EOGT: variants seen among roughly 807,000 people sequenced by gnomAD.
The protein encoded by EOGT is EGF domain specific O-linked N-acetylglucosamine transferase.
A neutral mutation model predicts 70.5 loss-of-function variants in EOGT; 55 were observed. The observed-to-expected ratio is 0.78, with a 90% confidence interval of 0.63 to 0.98. The LOEUF is 0.98. Among genes scored for constraint, EOGT ranks in the 50% least tolerant of loss-of-function variants. The probability of loss-of-function intolerance (pLI) is 0.00; values close to 1 mark genes in which losing one functional copy is unlikely to be tolerated. For synonymous variants in EOGT, 246 were observed against 217.1 expected (o/e 1.13, Z -1.17); for missense variants, 703 against 641.9 (o/e 1.10, Z -1.03).
Position 68,987,119 on chromosome 3 carries a change from C to T in EOGT, c.1152+326G>A, listed in dbSNP as rs537608501. Reference sequence around the variant, plus strand: ...TAATGGCCTCAACCATCTGTTGCATCAACTATGCAAAAGAAAGTCTTACAT... The same window carrying T: ...TAATGGCCTCAACCATCTGTTGCATTAACTATGCAAAAGAAAGTCTTACAT... On this transcript the variant is annotated intron_variant, in intron 14 of 17. Coordinates refer to ENST00000383701, the MANE Select transcript of EOGT (RefSeq NM_001278689.2). 2.0e-5 allele frequency among the ~76,000 whole-genome samples: 3 copies of T among 152,338 alleles called. No individual in the cohort carries two copies. The South Asian group carries it at 6.2e-4, about 32-fold the overall frequency.
intron 15 of EOGT, among the ~76,000 whole-genome samples, chr3:68,982,151 C>T (rs548428756): frequency 1.3e-5 from 2 of 152,240 alleles, no homozygotes; most frequent in African/African-American, 4.8e-5. Context: ...CCAGGCAATC[C>T]ACCCATCTCA....
intron 10 of EOGT, among the ~76,000 whole-genome samples, chr3:68,992,317 T>C (rs2091015515): frequency 6.6e-6 from 1 of 152,174 alleles, no homozygotes; most frequent in South Asian, 2.1e-4. Context: ...ACGTATTGGG[T>C]AATTACAGCC....
intron 15 of EOGT, among the ~76,000 whole-genome samples, chr3:68,980,807 G>A (rs542602622): frequency 1.7e-3 from 257 of 152,334 alleles, no homozygotes; most frequent in African/African-American, 5.7e-3. Flanking sequence ...TGCCAGTTGT[G>A]GAAACGCCTG....
intron 7 of EOGT, 29 bp from the exon 8 acceptor site, chr3:69,004,511 T>C (rs752396663): frequency 6.5e-7 from 1 of 1,526,882 alleles, no homozygotes; most frequent in Non-Finnish European, 9.1e-7. Flanking sequence ...TTAAGTTAAG[T>C]TCAGAAAACG....
chr3:68,997,620 C>T (rs969598912), intron 10 of EOGT, among the ~76,000 whole-genome samples: 3 of 152,154 alleles, frequency 2.0e-5, no homozygotes, highest in African/African-American at 4.8e-5. Context: ...CCACCTGCCT[C>T]GGCCTCCCAA....
chr3:69,001,519 CA>C, intron 9 of EOGT, 88 bp downstream of exon 9: 1 of 862,488 alleles, frequency 1.2e-6, no homozygotes. Flanking sequence ...ATACTGCTTC[CA>C]AAAAATTCAG....
intron 14 of EOGT, among the ~76,000 whole-genome samples, chr3:68,986,393 A>G (rs2090808542): frequency 6.6e-6 from 1 of 152,006 alleles, no homozygotes; most frequent in Non-Finnish European, 1.5e-5. Context: ...AAACTTCACA[A>G]TGGCTTTCCC....
At chr3:69,002,443 A>T (rs980665225) in intron 8 of EOGT, among the ~76,000 whole-genome samples, 2 of 152,186 alleles carry the variant, frequency 1.3e-5, no homozygotes, top group African/African-American at 4.8e-5. Flanking sequence ...AGCAACTACC[A>T]TGTGGAATCA....
chr3:68,989,138 TA>T, intron 10 of EOGT, 121 bp from the exon 11 acceptor site: 1 of 536,196 alleles, frequency 1.9e-6, no homozygotes, highest in Non-Finnish European at 3.2e-6. Flanking sequence ...CGCAAGTTCA[TA>T]AAATCCATAC....
At chr3:68,977,925 C>T (rs2090517907) in intron 17 of EOGT, among the ~76,000 whole-genome samples, 161 bp from the exon 18 acceptor site, 1 of 152,206 alleles carries the variant, frequency 6.6e-6, no homozygotes, top group East Asian at 1.9e-4. Context: ...ATATTTTCAG[C>T]TCTGCTGACT....
At position 68,978,359 on chromosome 3, in the gene EOGT, G is replaced by A. The variant is rs777402465; in HGVS notation, c.1411C>T (p.Gln471Ter). Residue 471 changes from glutamine (Q) to a stop codon, truncating the protein, a stop_gained, in exon 17 of 18, where the codon CAG becomes TAG. Coordinates refer to ENST00000383701, the MANE Select transcript of EOGT (RefSeq NM_001278689.2). LOFTEE classifies it high-confidence loss of function. ...RGVHYITWRRQNKVFPQDKGH... is the reference protein window; with the variant it reads ...RGVHYITWRR ...TTATCCTGAGGAAAGACTTTGTTCT[G>A]CCGTCGCCAAGTGATGTAGTGAACG... 3.7e-6 allele frequency: 6 copies of A among 1,612,434 alleles called. No individual in the cohort carries two copies. In the East Asian group the frequency reaches 1.1e-4, roughly 30 times the overall value.
rs145483065 is a variant in EOGT, at chr3:68,978,155, T to C, written c.1437+178A>G. ...AGCTGCCTTTGTAACATTAAAGATA[T>C]AGGTTGCTTAATTCCCCTTTTTCTC... On this transcript the variant is annotated intron_variant, in intron 17 of 17. Transcript: ENST00000383701. 3.9e-3 allele frequency among the ~76,000 whole-genome samples: 588 copies of C among 152,352 alleles called. 2 individuals carry two copies. The highest frequency in any genetic ancestry group is 0.014 in the African/African-American group (567 of 41,590).
chr3:68,984,786 C>A lies in EOGT; in HGVS notation c.1153-1914G>T, dbSNP rs1260064410. Reference sequence around the variant, plus strand: ...CACTAAAGCATCTACCAGCACTATACCTTTCTACTGGACTTCTCTGCAGTG... The same window carrying A: ...CACTAAAGCATCTACCAGCACTATAACTTTCTACTGGACTTCTCTGCAGTG... On this transcript the variant is annotated intron_variant, in intron 14 of 17. Coordinates refer to ENST00000383701, the MANE Select transcript of EOGT (RefSeq NM_001278689.2). Among the ~76,000 whole-genome samples the A allele has an allele frequency of 4.6e-5, 7 of 152,174 alleles. No homozygotes were observed. In the South Asian group the frequency reaches 1.5e-3, roughly 32 times the overall value.
At chr3:69,005,383 G>T in intron 6 of EOGT, 149 bp from the exon 7 acceptor site, 1 of 543,188 alleles carries the variant, frequency 1.8e-6, no homozygotes, top group Non-Finnish European at 3.3e-6. Flanking sequence ...TGCATCTGCT[G>T]AAGGATATTT....
intron 6 of EOGT, among the ~76,000 whole-genome samples, chr3:69,006,021 C>G (rs562978956): frequency 1.6e-4 from 24 of 152,174 alleles, no homozygotes; most frequent in Middle Eastern, 3.4e-3. Flanking sequence ...AATTCTAACC[C>G]CCAATGTGAT....
chr3:68,991,076 AAT>A (rs1416657166), intron 10 of EOGT, among the ~76,000 whole-genome samples: 1 of 152,200 alleles, frequency 6.6e-6, no homozygotes, highest in Admixed American at 6.5e-5. Flanking sequence ...GATAAAATAA[AAT>A]ATGTTTGAAA....
At chr3:69,005,287 CT>C in intron 6 of EOGT, 53 bp from the exon 7 acceptor site, 1 of 985,980 alleles carries the variant, frequency 1.0e-6, no homozygotes, top group Non-Finnish European at 1.6e-6. Context: ...ACAGCAAAGA[CT>C]CATCCGGACT....
intron 6 of EOGT, among the ~76,000 whole-genome samples, chr3:69,007,437 G>A (rs984614039): frequency 6.8e-6 from 1 of 148,022 alleles, no homozygotes; most frequent in African/African-American, 2.5e-5. Flanking sequence ...TGGATCCCTT[G>A]AGGTCAGGAG....
Position 68,978,379 on chromosome 3 carries a change from T to TGAAC in EOGT, c.1387_1390dup (p.His464ArgfsTer17). The TGAAC allele has an allele frequency of 1.9e-6, 3 of 1,613,114 alleles. No homozygotes were observed. The highest frequency in any genetic ancestry group is 2.5e-6 in the Non-Finnish European group (3 of 1,179,624). ...GTTCTGCCGTCGCCAAGTGATGTAG[T>TGAAC]GAACGCCTCTCAGCCTGGCCAAGTC... On this transcript the variant is annotated frameshift_variant, in exon 17 of 18. Transcript: ENST00000383701. LOFTEE classifies it high-confidence loss of function.
Sources: allele counts gnomAD v4.1 joint callset (sites outside exome capture counted in the v4.1 genomes callset), GRCh38; gene constraint gnomAD v4.1.1; transcripts MANE v1.5; gene names NCBI Gene and HGNC (gene_info 2026-07-23, HGNC 2026-07-21).